Variants in PHACTR1 observed in about 807,000 individuals in gnomAD.
PHACTR1 encodes phosphatase and actin regulator 1.
A neutral mutation model predicts 69.2 loss-of-function variants in PHACTR1; 16 were observed. That is an observed-to-expected ratio of 0.23 (90% confidence interval 0.16 to 0.35). The LOEUF is 0.35. Ranked by LOEUF, PHACTR1 falls within the 10% of genes least tolerant of loss-of-function variation. The probability of loss-of-function intolerance (pLI) is 1.00; values close to 1 mark genes in which losing one functional copy is unlikely to be tolerated. For synonymous variants in PHACTR1, 312 were observed against 284.5 expected, an observed-to-expected ratio of 1.10 and a Z score of -0.97; for missense variants, 510 against 734.7, an observed-to-expected ratio of 0.69 and a Z score of 3.54.
At chr6:12,937,961 A>C (rs4711872) in intron 4 of PHACTR1, among the ~76,000 whole-genome samples, 1 of 152,256 alleles carries the variant, frequency 6.6e-6, no homozygotes, top group South Asian at 2.1e-4. Flanking sequence ...GTAGCCAGGC[A>C]TGGTAGCACA....
At chr6:12,926,046 T>A (rs942894688) in intron 4 of PHACTR1, among the ~76,000 whole-genome samples, 1 of 152,194 alleles carries the variant, frequency 6.6e-6, no homozygotes, top group Non-Finnish European at 1.5e-5. Flanking sequence ...CCATCCCCTC[T>A]GCAGTGTGGC....
intron 4 of PHACTR1, among the ~76,000 whole-genome samples, chr6:12,955,526 G>C (rs1476876128): frequency 6.6e-6 from 1 of 152,102 alleles, no homozygotes; most frequent in Non-Finnish European, 1.5e-5. Flanking sequence ...GCTGGTCTAA[G>C]AAATTTGAGA....
In PHACTR1 at chr6:13,053,422, A is replaced by G; in HGVS notation, c.308A>G (p.His103Arg). ...TCTGACTCCCTCGTCCCAGGCACCC[A>G]CACCCCACCCATCCGCAGGAGAAGT... is the stretch of plus-strand genomic sequence containing the variant. ...MRSDSLVPGT[H>R]TPPIRRRSKF... Residue 103 changes from histidine to arginine, a missense_variant, in exon 5 of 15, where the codon CAC (histidine) becomes CGC (arginine). This residue lies in a region of PHACTR1 where 419 missense variants were observed against 530.9 expected (regional missense o/e 0.79). Transcript: ENST00000332995. 6.2e-7 allele frequency: 1 copy of G among 1,613,652 alleles called. No homozygotes were observed. Among genetic ancestry groups the G allele is most frequent in the Middle Eastern group, 1.6e-4 (1 of 6,062 alleles).
chr6:12,935,610 T>A (rs1341505861), intron 4 of PHACTR1, among the ~76,000 whole-genome samples: 1 of 151,216 alleles, frequency 6.6e-6, no homozygotes, highest in Admixed American at 6.7e-5. Flanking sequence ...ACATAGTATG[T>A]TATTTATGGT....
chr6:12,726,407 T>A (rs1250566183), intron 3 of PHACTR1, among the ~76,000 whole-genome samples: 1 of 152,226 alleles, frequency 6.6e-6, no homozygotes, highest in Non-Finnish European at 1.5e-5. Context: ...GAGCTGCACC[T>A]TGAGATCCCC....
At chr6:12,958,499 A>C (rs536861966) in intron 4 of PHACTR1, among the ~76,000 whole-genome samples, 8 of 152,224 alleles carry the variant, frequency 5.3e-5, no homozygotes, top group African/African-American at 1.9e-4. Flanking sequence ...CATAAGGGAT[A>C]GGCTTGGTGG....
At chr6:12,938,916 GT>G (rs542273781) in intron 4 of PHACTR1, among the ~76,000 whole-genome samples, 45 of 152,022 alleles carry the variant, frequency 3.0e-4, no homozygotes, top group Non-Finnish European at 5.9e-4. Context: ...ACTGAGTAGT[GT>G]TTCATTGTAT....
chr6:12,766,568 C>T (rs1417656489), intron 4 of PHACTR1, among the ~76,000 whole-genome samples: 1 of 152,112 alleles, frequency 6.6e-6, no homozygotes, highest in East Asian at 1.9e-4. Flanking sequence ...ATATTGGTAG[C>T]TTGAAATCAG....
chr6:12,876,990 C>G (rs1782584447), intron 4 of PHACTR1, among the ~76,000 whole-genome samples: 1 of 152,158 alleles, frequency 6.6e-6, no homozygotes, highest in Non-Finnish European at 1.5e-5. Flanking sequence ...GATGCAAGTT[C>G]CTCCTTCCTT....
chr6:13,197,925 G>C (rs1249542771), intron 7 of PHACTR1, among the ~76,000 whole-genome samples: 1 of 152,224 alleles, frequency 6.6e-6, no homozygotes, highest in Non-Finnish European at 1.5e-5. Flanking sequence ...TGATAGATCA[G>C]CGTCCCCTAG....
chr6:13,198,227 C>T (rs1287188352), intron 7 of PHACTR1, among the ~76,000 whole-genome samples: 1 of 152,272 alleles, frequency 6.6e-6, no homozygotes, highest in African/African-American at 2.4e-5. Flanking sequence ...TCACACATAG[C>T]CCTTGCAAGG....
chr6:12,719,380 T>A (rs1473284614), intron 3 of PHACTR1, among the ~76,000 whole-genome samples: 1 of 152,248 alleles, frequency 6.6e-6, no homozygotes, highest in Non-Finnish European at 1.5e-5. Context: ...TGTCCGTTTT[T>A]ATTACATGTT....
At chr6:12,774,550 C>G (rs1347309697) in intron 4 of PHACTR1, among the ~76,000 whole-genome samples, 1 of 152,090 alleles carries the variant, frequency 6.6e-6, no homozygotes, top group Non-Finnish European at 1.5e-5. Flanking sequence ...CACCACCACA[C>G]CTGGCTAATT....
In PHACTR1 at chr6:13,078,553, C is replaced by G. The variant is rs1014995306; in HGVS notation, c.415+25024C>G. Among the ~76,000 whole-genome samples the G allele has an allele frequency of 4.6e-5, 7 of 152,144 alleles. 1 individual carries two copies. The highest frequency in any genetic ancestry group is 1.7e-4 in the African/African-American group (7 of 41,438). On this transcript the variant is annotated intron_variant, in intron 5 of 14. Transcript: ENST00000332995. Reference sequence around the variant, plus strand: ...CAGACTATTGCTCTCAAAAGATAGCCAGGTTTCTAGTTTCCTTAGGCATTT... The same window carrying G: ...CAGACTATTGCTCTCAAAAGATAGCGAGGTTTCTAGTTTCCTTAGGCATTT...
intron 5 of PHACTR1, among the ~76,000 whole-genome samples, chr6:13,095,749 C>CTTTTTTTTTTTTTTTTTTTTTTTTTTTTT (rs140109520): frequency 1.3e-5 from 1 of 77,210 alleles, no homozygotes; most frequent in Non-Finnish European, 2.2e-5. Flanking sequence ...TTGTGAAGGG[C>CTTTTTTTTTTTTTTTTTTTTTTTTTTTTT]TTTTTTTTTT....
chr6:13,197,215 T>C (rs374182369), intron 7 of PHACTR1, among the ~76,000 whole-genome samples: 102 of 152,202 alleles, frequency 6.7e-4, no homozygotes, highest in African/African-American at 2.3e-3. Flanking sequence ...GGGGCTACTT[T>C]ATACTCAGGC....
At chr6:13,025,953 A>G (rs1475066193) in intron 4 of PHACTR1, among the ~76,000 whole-genome samples, 5 of 152,100 alleles carry the variant, frequency 3.3e-5, no homozygotes, top group African/African-American at 9.7e-5. Flanking sequence ...TCCTCTTAAC[A>G]TTGTTGATGG....
chr6:12,770,733 G>A (rs189735860), intron 4 of PHACTR1, among the ~76,000 whole-genome samples: 207 of 152,274 alleles, frequency 1.4e-3, no homozygotes, highest in Admixed American at 4.2e-3. Context: ...GGAAAGACAG[G>A]TGTGGAAGGT....
chr6:13,002,800 C>T (rs1258168108), intron 4 of PHACTR1, among the ~76,000 whole-genome samples: 1 of 152,182 alleles, frequency 6.6e-6, no homozygotes, highest in African/African-American at 2.4e-5. Flanking sequence ...CCTCTATGGG[C>T]TCATGAATGT....
Sources: gnomAD v4.1 joint callset for allele counts (sites outside exome capture counted in the v4.1 genomes callset) on GRCh38, gnomAD v4.1.1 for gene constraint, gnomAD v4.1.1 regional missense constraint, MANE v1.5 for transcripts, NCBI Gene and HGNC (gene_info 2026-07-23, HGNC 2026-07-21) for gene names.